Variants in PAK3 observed in about 807,000 individuals in gnomAD.
PAK3 encodes serine/threonine-protein kinase PAK 3.
In PAK3, 4 loss-of-function variants were observed where a neutral mutation model predicts 41.0. That is an observed-to-expected ratio of 0.10 (90% CI 0.05 to 0.22). The LOEUF is 0.22. PAK3 is among the 10% of genes least tolerant of loss of function. The pLI, the probability that PAK3 is intolerant of heterozygous loss-of-function variation, is 1.00. For synonymous variants in PAK3, 146 were observed against 139.6 expected (o/e 1.05, Z -0.32); for missense variants, 205 against 409.9 (o/e 0.50, Z 4.32).
intron 11 of PAK3, among the ~76,000 whole-genome samples, chrX:111,174,913 G>C (rs775166425): frequency 9.0e-6 from 1 of 111,044 alleles, no homozygotes; most frequent in Non-Finnish European, 1.9e-5. Flanking sequence ...AGCAGGGCCA[G>C]CTTCTAGAGC....
chrX:111,056,351 T>C (rs1483441980), intron 1 of PAK3, among the ~76,000 whole-genome samples: 1 of 112,053 alleles, frequency 8.9e-6, no homozygotes, highest in Admixed American at 9.4e-5. Context: ...AACTCTTCCA[T>C]ACCTCCTGCT....
At chrX:111,145,203 C>T (rs758040577) in intron 6 of PAK3, among the ~76,000 whole-genome samples, 88 of 111,578 alleles carry the variant, frequency 7.9e-4, no homozygotes, top group African/African-American at 2.8e-3. Flanking sequence ...ATTTGAATGT[C>T]GGGTTTTAGT....
chrX:110,986,303 G>A (rs1401557920), intron 1 of PAK3, among the ~76,000 whole-genome samples: 1 of 111,730 alleles, frequency 9.0e-6, no homozygotes, highest in Non-Finnish European at 1.9e-5. Flanking sequence ...AGCTATTACA[G>A]GGCTGGATTG....
chrX:111,195,778 A>G (rs2094607984), intron 14 of PAK3, 64 bp from the exon 15 acceptor site: 2 of 728,021 alleles, frequency 2.7e-6, no homozygotes, highest in South Asian at 4.4e-5. Flanking sequence ...ATTTATCTAG[A>G]AATAAAACTT....
In PAK3 at chrX:111,196,690, C is replaced by T. The variant is rs59159524; in HGVS notation, c.1407+50C>T. On this transcript the variant is annotated intron_variant, in intron 16 of 17. Coordinates refer to ENST00000372007, the MANE Select transcript of PAK3 (RefSeq NM_002578.5). ...CTTTATTCCCAGGAAAGAGGAAAGG[C>T]CAAATATCATTTCTGGCTTCCACCA... The T allele has an allele frequency of 1.4e-3, 1,247 of 920,127 alleles. 12 individuals carry two copies. The African/African-American group carries it at 0.021, about 15-fold the overall frequency. The allele number at this position is 920,127 out of a possible 1,213,427, so 75.8% of individuals were successfully genotyped here.
chrX:110,957,551 G>A (rs1284747905), intron 1 of PAK3, among the ~76,000 whole-genome samples: 3 of 111,942 alleles, frequency 2.7e-5, no homozygotes, highest in Non-Finnish European at 5.6e-5. Context: ...TTCCTCACTA[G>A]GTGCTTGGGT....
chrX:111,008,038 TGTGA>T (rs976356224), intron 1 of PAK3, among the ~76,000 whole-genome samples: 2 of 112,209 alleles, frequency 1.8e-5, no homozygotes, highest in Non-Finnish European at 3.8e-5. Flanking sequence ...TTCATAGAGT[TGTGA>T]GTATTAAATC....
intron 1 of PAK3, among the ~76,000 whole-genome samples, chrX:111,007,974 A>G (rs1382552914): frequency 8.9e-6 from 1 of 112,000 alleles, no homozygotes; most frequent in Admixed American, 9.4e-5. Context: ...GTTACTTAAC[A>G]TCTCTGAGCT....
chrX:111,185,182 G>T (rs193018739), intron 11 of PAK3, among the ~76,000 whole-genome samples: 31 of 111,936 alleles, frequency 2.8e-4, no homozygotes, highest in Middle Eastern at 4.6e-3. Flanking sequence ...TTTGTTGACC[G>T]CATAAATGTC....
At chrX:111,123,033 A>T in intron 4 of PAK3, 44 bp from the exon 5 acceptor site, 1 of 748,557 alleles carries the variant, frequency 1.3e-6, no homozygotes, top group Non-Finnish European at 2.1e-6. Context: ...AGGTTTTTAG[A>T]CCTCTTCTCC....
intron 1 of PAK3, among the ~76,000 whole-genome samples, chrX:111,076,233 G>T (rs1244395901): frequency 1.8e-5 from 2 of 111,025 alleles, no homozygotes; most frequent in East Asian, 5.7e-4. Context: ...AGGGGCCAGG[G>T]GCAGAATTAT....
intron 8 of PAK3, 46 bp from the exon 9 acceptor site, chrX:111,162,869 A>G: frequency 8.8e-7 from 1 of 1,136,168 alleles, no homozygotes; most frequent in East Asian, 3.0e-5. Context: ...GAAGAAAAAC[A>G]ATGAGGAGTT....
intron 1 of PAK3, among the ~76,000 whole-genome samples, chrX:111,075,422 T>TA (rs2092776737): frequency 8.9e-6 from 1 of 112,736 alleles, no homozygotes; most frequent in African/African-American, 3.2e-5. Context: ...GGGCCCTAGA[T>TA]ACAGCTCGGA....
chrX:111,069,211 C>G (rs904106048), intron 1 of PAK3, among the ~76,000 whole-genome samples: 2 of 111,823 alleles, frequency 1.8e-5, no homozygotes, highest in Non-Finnish European at 3.8e-5. Context: ...TCTTATGAGC[C>G]CTCTTTGTCA....
At chrX:111,061,248 T>G (rs768460489) in intron 1 of PAK3, among the ~76,000 whole-genome samples, 1 of 112,354 alleles carries the variant, frequency 8.9e-6, no homozygotes, top group South Asian at 3.7e-4. Context: ...CCAGATAAAA[T>G]GTATTGAATA....
intron 1 of PAK3, among the ~76,000 whole-genome samples, chrX:110,998,494 A>C (rs1288694879): frequency 1.8e-5 from 2 of 112,363 alleles, no homozygotes; most frequent in African/African-American, 6.5e-5. Flanking sequence ...TGAGTTCAAG[A>C]GAGAAGGGAA....
chrX:111,217,579 A>G (rs1354787039), intron 17 of PAK3: 18 of 955,811 alleles, frequency 1.9e-5, no homozygotes, highest in Non-Finnish European at 2.4e-5. Flanking sequence ...GGCAAAAACT[A>G]TCCCACCCTA....
intron 3 of PAK3, among the ~76,000 whole-genome samples, chrX:111,098,214 G>A (rs371846975): frequency 8.2e-4 from 91 of 110,375 alleles, no homozygotes; most frequent in African/African-American, 2.9e-3. Flanking sequence ...CATACCAGGT[G>A]AGGGAAACGA....
intron 1 of PAK3, among the ~76,000 whole-genome samples, chrX:111,052,340 T>A (rs747536358): frequency 8.9e-6 from 1 of 112,551 alleles, no homozygotes; most frequent in African/African-American, 3.2e-5. Flanking sequence ...CTCAAGAAAA[T>A]GTTTTACGTA....
Sources: allele counts gnomAD v4.1 joint callset (sites outside exome capture counted in the v4.1 genomes callset), GRCh38; gene constraint gnomAD v4.1.1; transcripts MANE v1.5; gene names NCBI Gene and HGNC (gene_info 2026-07-23, HGNC 2026-07-21).